XKR4: variants seen among roughly 807,000 people sequenced by gnomAD.
XKR4 encodes XK-related protein 4.
XKR4 carries 12 observed loss-of-function variants against 53.9 expected under a neutral mutation model. The ratio of observed to expected loss-of-function variants is 0.22; its 90% CI spans 0.14 to 0.36. The LOEUF is 0.36. Ranked by LOEUF, XKR4 falls within the 10% of genes least tolerant of loss-of-function variation. The probability of loss-of-function intolerance (pLI) is 1.00; values close to 1 mark genes in which losing one functional copy is unlikely to be tolerated. For missense variants in XKR4, 799 were observed against 859.5 expected (o/e 0.93, Z 0.88); for synonymous variants, 354 against 362.4 (o/e 0.98, Z 0.26).
intron 1 of XKR4, among the ~76,000 whole-genome samples, chr8:55,303,579 C>T (rs1819239828): frequency 1.3e-5 from 2 of 152,218 alleles, no homozygotes; most frequent in Non-Finnish European, 1.5e-5. Context: ...ATGGTACCAG[C>T]TCCTCGTTGT....
rs1382458846 is a variant in XKR4 at position 55,536,195 on chromosome 8, G to GA, written c.*11974dup. On this transcript the variant is annotated 3_prime_UTR_variant, in exon 3 of 3. Transcript: ENST00000327381. Reference sequence around the variant, plus strand: ...AGTCTGTGTATCTGTTCCCAAACTGGAAAAAATAATTCTTGAGAGAATAAT... The same window carrying GA: ...AGTCTGTGTATCTGTTCCCAAACTGGAAAAAAATAATTCTTGAGAGAATAAT... The GA allele has an allele frequency of 1.3e-5, 2 of 152,204 alleles. No individual in the cohort carries two copies. Among genetic ancestry groups the GA allele is most frequent in the Non-Finnish European group, 2.9e-5 (2 of 67,986 alleles). 9.4% of individuals were successfully genotyped at this position (152,204 alleles called of 1,614,324 possible).
intron 2 of XKR4, among the ~76,000 whole-genome samples, chr8:55,518,588 C>T (rs1806751645): frequency 1.3e-5 from 2 of 152,158 alleles, no homozygotes; most frequent in Admixed American, 6.5e-5. Flanking sequence ...GTTCTTTCCA[C>T]GAGAAAGCAA....
intron 2 of XKR4, among the ~76,000 whole-genome samples, chr8:55,464,832 T>A (rs989244300): frequency 6.6e-6 from 1 of 152,178 alleles, no homozygotes; most frequent in East Asian, 1.9e-4. Context: ...AGCATTCTTA[T>A]ACACCAAAAA....
At position 55,310,150 on chromosome 8, in the gene XKR4, G is replaced by A. The variant is rs148075382; in HGVS notation, c.807-47528G>A. On this transcript the variant is annotated intron_variant, in intron 1 of 2. Transcript: ENST00000327381. ...AAGAAGAAAAAGAAAAACACCAAGA[G>A]CCAAACTCCTTAGAAACACACTAAG... Among the ~76,000 whole-genome samples the A allele has an allele frequency of 9.4e-3, 1,424 of 152,244 alleles. 14 individuals are homozygous for A. Among genetic ancestry groups the A allele is most frequent in the Middle Eastern group, 0.031 (9 of 294 alleles).
At chr8:55,480,356 T>TC (rs1806080865) in intron 2 of XKR4, among the ~76,000 whole-genome samples, 1 of 152,198 alleles carries the variant, frequency 6.6e-6, no homozygotes, top group South Asian at 2.1e-4. Context: ...CAATAACGCT[T>TC]CATGCTAAAA....
Position 55,483,946 on chromosome 8 carries a change from G to A in XKR4, c.1007-39335G>A, listed in dbSNP as rs371439854. Among the ~76,000 whole-genome samples the A allele has an allele frequency of 1.2e-3, 186 of 152,192 alleles. 3 individuals are homozygous for A. The South Asian group carries it at 0.023, about 19-fold the overall frequency. Reference sequence around the variant, plus strand: ...TCAATAAAATTGACAAACCTCTCACGAGACTGACAAAGAAAAAGGAGAGAA... The same window carrying A: ...TCAATAAAATTGACAAACCTCTCACAAGACTGACAAAGAAAAAGGAGAGAA... On this transcript the variant is annotated intron_variant, in intron 2 of 2. Transcript: ENST00000327381.
intron 1 of XKR4, among the ~76,000 whole-genome samples, chr8:55,169,354 G>A (rs1817118109): frequency 6.6e-6 from 1 of 152,252 alleles, no homozygotes; most frequent in South Asian, 2.1e-4. Flanking sequence ...CAGGTAAAAT[G>A]GCAGTAATGC....
intron 2 of XKR4, among the ~76,000 whole-genome samples, chr8:55,411,866 A>C (rs1235478074): frequency 6.6e-6 from 1 of 152,164 alleles, no homozygotes; most frequent in Non-Finnish European, 1.5e-5. Flanking sequence ...CATGAAGGAC[A>C]GTGACGAGAA....
At chr8:55,512,796 C>T (rs532994785) in intron 2 of XKR4, among the ~76,000 whole-genome samples, 15 of 152,232 alleles carry the variant, frequency 9.9e-5, no homozygotes, top group East Asian at 3.9e-4. Context: ...TGGATGGGCA[C>T]GCCAGTGTGT....
intron 2 of XKR4, among the ~76,000 whole-genome samples, chr8:55,429,486 A>C (rs1805069143): frequency 2.0e-5 from 3 of 152,158 alleles, no homozygotes; most frequent in Non-Finnish European, 4.4e-5. Flanking sequence ...AGGCAGGAGA[A>C]TTGCTTGAGG....
chr8:55,309,424 G>A (rs1050556057), intron 1 of XKR4, among the ~76,000 whole-genome samples: 1 of 152,214 alleles, frequency 6.6e-6, no homozygotes, highest in Non-Finnish European at 1.5e-5. Flanking sequence ...GGAAGAGAAA[G>A]TGTGAGAGGG....
chr8:55,420,579 G>A (rs1170833377), intron 2 of XKR4, among the ~76,000 whole-genome samples: 1 of 135,910 alleles, frequency 7.4e-6, no homozygotes, highest in African/African-American at 2.8e-5. Flanking sequence ...GGTCGGAATT[G>A]AACAATGAGA....
rs1585619086 is a variant in XKR4, at chr8:55,523,915, G to T, written c.1641G>T (p.Arg547=). Residue 547 remains arginine, a synonymous_variant, in exon 3 of 3, where the codon CGG becomes CGT. Transcript: ENST00000327381. Reference sequence around the variant, plus strand: ...CAGACGTGGCCACAAGCACCCTACGGTCCATCTCCAACAACCGCAGTGTTG... The same window carrying T: ...CAGACGTGGCCACAAGCACCCTACGTTCCATCTCCAACAACCGCAGTGTTG... ...LPPDVATSTL[R]SISNNRSVVS... 6.2e-7 allele frequency: 1 copy of T among 1,614,180 alleles called. No individual in the cohort carries two copies. The highest frequency in any genetic ancestry group is 2.2e-5 in the East Asian group (1 of 44,870).
intron 1 of XKR4, among the ~76,000 whole-genome samples, chr8:55,138,607 C>T (rs2129353909): frequency 6.6e-6 from 1 of 152,252 alleles, no homozygotes; most frequent in Non-Finnish European, 1.5e-5. Flanking sequence ...AAGGGATGTG[C>T]TTCTAATTAA....
At chr8:55,400,336 A>G (rs1804580180) in intron 2 of XKR4, among the ~76,000 whole-genome samples, 1 of 152,094 alleles carries the variant, frequency 6.6e-6, no homozygotes, top group South Asian at 2.1e-4. Context: ...TCTCTCTCTG[A>G]GAAATGCTGA....
rs1319550119 is a variant in XKR4, at chr8:55,535,752, C to T, written c.*11525C>T. 2 of 152,114 alleles carry T rather than the reference C, an allele frequency of 1.3e-5. No homozygotes were observed. The highest frequency in any genetic ancestry group is 4.8e-5 in the African/African-American group (2 of 41,398). 9.4% of individuals were successfully genotyped at this position (152,114 alleles called of 1,614,324 possible). On this transcript the variant is annotated 3_prime_UTR_variant, in exon 3 of 3. Transcript: ENST00000327381. ...GAAGTTCAAAATAGTCACAGCCAGT[C>T]CATAACTATAACAACAGACATGTCC...
intron 1 of XKR4, among the ~76,000 whole-genome samples, chr8:55,323,663 C>T (rs1803250526): frequency 6.6e-6 from 1 of 152,164 alleles, no homozygotes. Flanking sequence ...TGTGTATGTG[C>T]AGGTTTGTAT....
chr8:55,212,162 T>C (rs147400197), intron 1 of XKR4, among the ~76,000 whole-genome samples: 1,792 of 151,770 alleles, frequency 0.012, 22 homozygotes, highest in Middle Eastern at 0.066. Flanking sequence ...CCAAGGTTCT[T>C]ATTATGCAGA....
At chr8:55,424,321 G>T (rs894619208) in intron 2 of XKR4, among the ~76,000 whole-genome samples, 5 of 152,162 alleles carry the variant, frequency 3.3e-5, no homozygotes, top group Non-Finnish European at 5.9e-5. Flanking sequence ...AACCATAATT[G>T]TTATAGTCAA....
Sources: gnomAD v4.1 joint callset for allele counts (sites outside exome capture counted in the v4.1 genomes callset) on GRCh38, gnomAD v4.1.1 for gene constraint, MANE v1.5 for transcripts, NCBI Gene and HGNC (gene_info 2026-07-23, HGNC 2026-07-21) for gene names.